The following ADGRL3 variants were observed in gnomAD, a reference collection of about 807,000 sequenced individuals.
ADGRL3 encodes the protein calcium-independent alpha-latrotoxin receptor 3.
ADGRL3 carries 62 observed loss-of-function variants against 153.5 expected under a neutral mutation model. The ratio of observed to expected loss-of-function variants is 0.40; its 90% confidence interval spans 0.33 to 0.50. The LOEUF (loss-of-function observed/expected upper bound fraction) is 0.50. ADGRL3 is among the 20% of genes least tolerant of loss of function. ADGRL3 has a pLI of 0.47. For synonymous variants in ADGRL3, 710 were observed against 672.5 expected (o/e 1.06, Z -0.86); for missense variants, 1,641 against 1,859.4 (o/e 0.88, Z 2.16).
intron 2 of ADGRL3, among the ~76,000 whole-genome samples, chr4:61,434,621 C>T (rs1421862290): frequency 6.1e-5 from 3 of 49,224 alleles, no homozygotes; most frequent in African/African-American, 1.2e-4. Context: ...CCGAATCCTG[C>T]TGACTATTTT....
At position 61,587,411 on chromosome 4, in the gene ADGRL3, G is replaced by C; in HGVS notation, c.444G>C (p.Leu148=). Residue 148 remains leucine, a synonymous_variant, in exon 5 of 27, where the codon CTG becomes CTC. Transcript: ENST00000683033. The stretch of plus-strand genomic sequence containing the variant: ...AGATGGAGAATATCCGATGTTATCT[G>C]CCAGATGCCTATAAGATTATGTCTC... ...PAQMENIRCY[L]PDAYKIMSQR... 1 of 1,612,174 alleles carries C rather than the reference G, an allele frequency of 6.2e-7. No homozygotes were observed. Among genetic ancestry groups the C allele is most frequent in the Non-Finnish European group, 8.5e-7 (1 of 1,178,820 alleles).
rs148524541 is a variant in ADGRL3, at chr4:61,809,965, A to G, written c.1400-3844A>G. On this transcript the variant is annotated intron_variant, in intron 8 of 26. Coordinates refer to ENST00000683033, the MANE Select transcript of ADGRL3 (RefSeq NM_001387552.1). The stretch of plus-strand genomic sequence containing the variant: ...TAAACAAACGAGGAATTTAAGGCAC[A>G]TAGAAGTGAAGCAACTTGATAATTA... 9.0e-3 allele frequency among the ~76,000 whole-genome samples: 1,373 copies of G among 152,254 alleles called. 14 individuals are homozygous for G. The highest frequency in any genetic ancestry group is 0.017 in the Middle Eastern group (5 of 294).
Position 62,068,156 on chromosome 4 carries a change from T to C in ADGRL3, c.3815-10T>C. 1 of 1,558,976 alleles carries C rather than the reference T, an allele frequency of 6.4e-7. No individual in the cohort carries two copies. The highest frequency in any genetic ancestry group is 8.6e-7 in the Non-Finnish European group (1 of 1,161,370). Reference sequence around the variant, plus strand: ...GTTTTTTCTTTCCTTTTCTTCATGCTGTCGTTTAGAGCCCTACAGAGAGAC... The same window carrying C: ...GTTTTTTCTTTCCTTTTCTTCATGCCGTCGTTTAGAGCCCTACAGAGAGAC... On this transcript the variant is annotated splice_polypyrimidine_tract_variant and intron_variant, in intron 25 of 26. Transcript: ENST00000683033.
At chr4:61,769,276 TGAAAG>T (rs1235409159) in intron 8 of ADGRL3, among the ~76,000 whole-genome samples, 2 of 151,522 alleles carry the variant, frequency 1.3e-5, no homozygotes, top group East Asian at 3.9e-4. Context: ...TACCAGAAAA[TGAAAG>T]GAATTGAAAT....
chr4:61,895,228 G>T (rs561716209), intron 10 of ADGRL3, among the ~76,000 whole-genome samples: 61 of 152,182 alleles, frequency 4.0e-4, no homozygotes, highest in African/African-American at 1.5e-3. Context: ...AGCACTTTGC[G>T]AGGCCAAGGC....
intron 2 of ADGRL3, among the ~76,000 whole-genome samples, chr4:61,408,499 T>C (rs2097034160): frequency 2.0e-5 from 3 of 152,098 alleles, no homozygotes; most frequent in South Asian, 4.2e-4. Context: ...GTTCCCTGCT[T>C]ATGAGAATAG....
chr4:61,482,416 CT>C (rs1417841521), intron 2 of ADGRL3, among the ~76,000 whole-genome samples: 4 of 152,090 alleles, frequency 2.6e-5, no homozygotes, highest in Non-Finnish European at 5.9e-5. Context: ...TCTGTGTTCC[CT>C]TACTTTATTT....
chr4:61,479,140 G>C (rs901332441), intron 2 of ADGRL3, among the ~76,000 whole-genome samples: 1 of 151,912 alleles, frequency 6.6e-6, no homozygotes, highest in Non-Finnish European at 1.5e-5. Context: ...AAAGTATCAG[G>C]GAGATGCCTC....
At position 61,909,759 on chromosome 4, in the gene ADGRL3, TTA is replaced by T. The variant is rs1553879259; in HGVS notation, c.2073+16_2073+17del. The T allele has an allele frequency of 3.7e-6, 4 of 1,073,396 alleles. No homozygotes were observed. The highest frequency in any genetic ancestry group is 3.3e-5 in the East Asian group (1 of 30,124). The allele number at this position is 1,073,396 out of a possible 1,614,324, so 66.5% of individuals were successfully genotyped here. A position where few individuals can be genotyped will look rare whatever the true frequency, so the allele number is the denominator to read the frequency against. On this transcript the variant is annotated intron_variant, in intron 12 of 26. Coordinates refer to ENST00000683033, the MANE Select transcript of ADGRL3 (RefSeq NM_001387552.1). ...AGTTTGAACAAGGTAAGGACCCTAATTATGTGTGTGTGTGTGTGTGTGTGTGT... is the reference window on the plus strand; with the variant it reads ...AGTTTGAACAAGGTAAGGACCCTAATTGTGTGTGTGTGTGTGTGTGTGTGT...
chr4:62,006,335 T>C (rs929627407), intron 21 of ADGRL3, among the ~76,000 whole-genome samples: 3 of 152,112 alleles, frequency 2.0e-5, no homozygotes, highest in South Asian at 4.2e-4. Context: ...CATTTTTATG[T>C]AGATTCTAAG....
chr4:61,232,727 A>G (rs943783826), intron 1 of ADGRL3, among the ~76,000 whole-genome samples: 1 of 152,154 alleles, frequency 6.6e-6, no homozygotes, highest in Non-Finnish European at 1.5e-5. Context: ...GTCAGGTAAG[A>G]CATGTAAACC....
Position 61,362,255 on chromosome 4 carries a change from G to A in ADGRL3, c.-239-20869G>A, listed in dbSNP as rs770763171. On this transcript the variant is annotated intron_variant, in intron 1 of 26. Transcript: ENST00000683033. Reference sequence around the variant, plus strand: ...TGACCTCAAGTGATCTGCCTTCCTCGGCCTCCCAAAGTGCTGGGATAACAG... The same window carrying A: ...TGACCTCAAGTGATCTGCCTTCCTCAGCCTCCCAAAGTGCTGGGATAACAG... 4.0e-5 allele frequency among the ~76,000 whole-genome samples: 6 copies of A among 150,872 alleles called. No homozygotes were observed. In the South Asian group the frequency reaches 8.3e-4, roughly 21 times the overall value.
chr4:62,065,599 T>C (rs2151897976), intron 25 of ADGRL3, among the ~76,000 whole-genome samples: 1 of 152,170 alleles, frequency 6.6e-6, no homozygotes, highest in East Asian at 1.9e-4. Flanking sequence ...CTCTATTCAG[T>C]ACATAGAAGA....
rs181894234 is a variant in ADGRL3, at chr4:61,753,727, C to T, written c.1399+20173C>T. Among the ~76,000 whole-genome samples the T allele has an allele frequency of 1.7e-3, 263 of 152,298 alleles. 1 individual carries two copies. Among genetic ancestry groups the T allele is most frequent in the African/African-American group, 6.2e-3 (257 of 41,560 alleles). ...GGAATAATTTTATTCTCTATAGTTA[C>T]TTCCAATTCTATCAAAGTAAGACTA... On this transcript the variant is annotated intron_variant, in intron 8 of 26. Transcript: ENST00000683033.
intron 5 of ADGRL3, among the ~76,000 whole-genome samples, chr4:61,672,363 A>G (rs1358428398): frequency 6.6e-6 from 1 of 152,070 alleles, no homozygotes; most frequent in Non-Finnish European, 1.5e-5. Flanking sequence ...ATTGACCATA[A>G]ACATGTGGAT....
chr4:61,899,396 A>G (rs1364193922), intron 11 of ADGRL3, among the ~76,000 whole-genome samples: 3 of 151,980 alleles, frequency 2.0e-5, no homozygotes, highest in Admixed American at 1.3e-4. Flanking sequence ...TCAAATAGAT[A>G]TCTTTAATGT....
At chr4:61,229,576 T>G (rs1749640439) in intron 1 of ADGRL3, among the ~76,000 whole-genome samples, 1 of 152,042 alleles carries the variant, frequency 6.6e-6, no homozygotes, top group Admixed American at 6.6e-5. Context: ...ATCTTTAATT[T>G]TGTAAATATG....
intron 2 of ADGRL3, among the ~76,000 whole-genome samples, chr4:61,401,790 T>A (rs1578657362): frequency 6.6e-6 from 1 of 152,088 alleles, no homozygotes; most frequent in African/African-American, 2.4e-5. Flanking sequence ...ATATGTAGAT[T>A]CAGTGTTTCT....
At position 62,044,446 on chromosome 4, in the gene ADGRL3, C is replaced by T. The variant is rs374256004; in HGVS notation, c.3718-7C>T. ...TTCATTTTCTTTCTGCCTTTTCCCC[C>T]ACCCAGAGCCGAATCCGTAGAATGT... On this transcript the variant is annotated splice_region_variant and splice_polypyrimidine_tract_variant and intron_variant, in intron 24 of 26. Transcript: ENST00000683033. 5.6e-5 allele frequency: 89 copies of T among 1,575,892 alleles called. No individual in the cohort carries two copies. In the African/African-American group the frequency reaches 1.1e-3, roughly 20 times the overall value.
Sources: allele counts gnomAD v4.1 joint callset (sites outside exome capture counted in the v4.1 genomes callset), GRCh38; gene constraint gnomAD v4.1.1; transcripts MANE v1.5; gene names NCBI Gene and HGNC (gene_info 2026-07-23, HGNC 2026-07-21).